Variants in SLC12A7 observed in about 807,000 individuals in gnomAD.
SLC12A7 encodes solute carrier family 12 member 7, also known as K-Cl cotransporter 4.
SLC12A7 carries 100 observed loss-of-function variants against 120.6 expected under a neutral mutation model. The ratio of observed to expected loss-of-function variants is 0.83; its 90% CI spans 0.71 to 0.98. The LOEUF (loss-of-function observed/expected upper bound fraction) is 0.98, where lower values mean the gene tolerates loss of function less well. Ranked by LOEUF, SLC12A7 falls within the 50% of genes least tolerant of loss-of-function variation. The probability of loss-of-function intolerance (pLI) is 0.00; values close to 1 mark genes in which losing one functional copy is unlikely to be tolerated. For synonymous variants in SLC12A7, 760 were observed against 678.0 expected (o/e 1.12, Z -1.88); for missense variants, 1,373 against 1,548.1 (o/e 0.89, Z 1.90).
intron 17 of SLC12A7, among the ~76,000 whole-genome samples, chr5:1,068,674 G>A (rs909301115): frequency 3.3e-5 from 5 of 152,300 alleles, no homozygotes; most frequent in African/African-American, 7.2e-5. Context: ...CCTCCCGTCC[G>A]CAAGAGCGGG....
rs560159285 is a variant in SLC12A7, at chr5:1,086,061, C to A, written c.676-588G>T. On this transcript the variant is annotated intron_variant, in intron 6 of 23. Transcript: ENST00000264930. The stretch of plus-strand genomic sequence containing the variant: ...GCAGGCATGGAGGGCATGGCACCCA[C>A]CCCCACCAAAGGGGATCCTGGGAGT... Among the ~76,000 whole-genome samples, 76 of 152,286 alleles carry A rather than the reference C, an allele frequency of 5.0e-4. No individual in the cohort carries two copies. In the South Asian group the frequency reaches 6.2e-3, roughly 12 times the overall value.
At chr5:1,063,688 A>G (rs1579327668) in intron 20 of SLC12A7, among the ~76,000 whole-genome samples, 156 bp downstream of exon 20, 5 of 7,694 alleles carry the variant, frequency 6.5e-4, no homozygotes, top group Admixed American at 1.5e-3. Flanking sequence ...CCCGATCTCC[A>G]CTTCCCCCTC....
intron 22 of SLC12A7, among the ~76,000 whole-genome samples, chr5:1,055,176 A>G (rs1163231776): frequency 6.6e-6 from 1 of 152,240 alleles, no homozygotes; most frequent in Non-Finnish European, 1.5e-5. Context: ...GTGTACACAC[A>G]CAGGCATAGT....
chr5:1,069,228 C>T (rs1397511517), intron 17 of SLC12A7, among the ~76,000 whole-genome samples: 5 of 152,344 alleles, frequency 3.3e-5, no homozygotes, highest in Middle Eastern at 3.4e-3. Context: ...GTGGCGGGAG[C>T]GGCGGGGGCC....
intron 22 of SLC12A7, 81 bp from the exon 23 acceptor site, chr5:1,053,563 G>A (rs535400884): frequency 7.8e-6 from 12 of 1,535,180 alleles, no homozygotes; most frequent in African/African-American, 5.4e-5. Flanking sequence ...GCCCTGATGA[G>A]CTGCATTCAC....
At chr5:1,079,098 G>A (rs1738700538) in intron 10 of SLC12A7, among the ~76,000 whole-genome samples, 1 of 152,156 alleles carries the variant, frequency 6.6e-6, no homozygotes, top group Admixed American at 6.5e-5. Flanking sequence ...TGAGAAGCCA[G>A]AGGCCCCGCG....
At chr5:1,053,936 C>T (rs902086709) in intron 22 of SLC12A7, among the ~76,000 whole-genome samples, 6 of 152,228 alleles carry the variant, frequency 3.9e-5, no homozygotes, top group Admixed American at 2.0e-4. Flanking sequence ...AACACAGACC[C>T]GTCAGGCTGG....
At position 1,083,968 on chromosome 5, in the gene SLC12A7, A is replaced by C. The variant is rs1739518079; in HGVS notation, c.918-12T>G. On this transcript the variant is annotated splice_polypyrimidine_tract_variant and intron_variant, in intron 7 of 23. Transcript: ENST00000264930. ...CCAGGAGGCAGACCCTGGGCGGGAC[A>C]GGGAGGCACGGCACGTGTGCTGCCA... 6.3e-7 allele frequency: 1 copy of C among 1,598,092 alleles called. No individual in the cohort carries two copies. The highest frequency in any genetic ancestry group is 8.5e-7 in the Non-Finnish European group (1 of 1,179,040).
At chr5:1,112,094 C>T, upstream of SLC12A7, 3 of 1,148,622 alleles carry the variant, frequency 2.6e-6, no homozygotes, top group Non-Finnish European at 3.2e-6. Flanking sequence ...GACCGAGCCG[C>T]CCCGCCCCGC....
In SLC12A7 at chr5:1,104,090, G is replaced by A. The variant is rs560970171; in HGVS notation, c.124+7778C>T. On this transcript the variant is annotated intron_variant, in intron 1 of 23. Coordinates refer to ENST00000264930, the MANE Select transcript of SLC12A7 (RefSeq NM_006598.3). ...GTCGGGGACCCTTGGCGGCATGGAG[G>A]GGACCCAGGAGGGGCCTGGCCTGGC... 1.7e-3 allele frequency among the ~76,000 whole-genome samples: 263 copies of A among 152,316 alleles called. 1 individual carries two copies. The highest frequency in any genetic ancestry group is 6.2e-3 in the African/African-American group (257 of 41,570).
chr5:1,091,579 C>G (rs1296785618), intron 3 of SLC12A7, among the ~76,000 whole-genome samples: 4 of 152,184 alleles, frequency 2.6e-5, no homozygotes. Context: ...CAGCCTGAGC[C>G]CATGAGGCCT....
the SLC12A7 span, among the ~76,000 whole-genome samples, chr5:1,151,343 C>A: frequency 1.3e-5 from 2 of 152,324 alleles, no homozygotes; most frequent in African/African-American, 4.8e-5. The surrounding 1 kb of genome is among the most constrained non-coding windows in gnomAD (Gnocchi z 6.2). Flanking sequence ...GGCCTCGGCA[C>A]ACATCTCATT....
intron 17 of SLC12A7, among the ~76,000 whole-genome samples, chr5:1,069,162 C>T (rs1486687342): frequency 2.6e-5 from 4 of 152,344 alleles, no homozygotes; most frequent in Admixed American, 1.3e-4. Flanking sequence ...TCCTGTCTTC[C>T]CTGGGAAGGC....
At chr5:1,058,268 C>T (rs1018162025) in intron 21 of SLC12A7, among the ~76,000 whole-genome samples, 6 of 152,270 alleles carry the variant, frequency 3.9e-5, no homozygotes, top group African/African-American at 1.4e-4. Flanking sequence ...GTGGCGCCCT[C>T]ACCGCGAGAT....
chr5:1,114,707 G>A (rs7701990), upstream of SLC12A7, among the ~76,000 whole-genome samples: 70,873 of 151,878 alleles, frequency 0.47, 18,255 homozygotes, highest in Non-Finnish European at 0.59. Flanking sequence ...CTGGAAGTGG[G>A]CACCTGGAGC....
At chr5:1,139,753 GTCTT>G in the SLC12A7 span, among the ~76,000 whole-genome samples, 214 of 152,332 alleles carry the variant, frequency 1.4e-3, 1 homozygote, top group African/African-American at 4.9e-3. Flanking sequence ...CAGGCCCCGT[GTCTT>G]TGGGGAAGGT....
At chr5:1,141,745 A>G in the SLC12A7 span, among the ~76,000 whole-genome samples, 1 of 152,220 alleles carries the variant, frequency 6.6e-6, no homozygotes, top group African/African-American at 2.4e-5. Context: ...GCTGCATAGG[A>G]CAGCGTGGAC....
chr5:1,080,762 G>A (rs911507034), intron 9 of SLC12A7, among the ~76,000 whole-genome samples: 1 of 152,162 alleles, frequency 6.6e-6, no homozygotes, highest in African/African-American at 2.4e-5. Flanking sequence ...ACAGAGGGCC[G>A]AGGTCCCCGG....
At chr5:1,134,641 C>G in the SLC12A7 span, among the ~76,000 whole-genome samples, 2 of 152,030 alleles carry the variant, frequency 1.3e-5, no homozygotes, top group African/African-American at 2.4e-5. Flanking sequence ...ATAGAATGAC[C>G]CTCTGACCCA....
Sources: allele counts gnomAD v4.1 joint callset (sites outside exome capture counted in the v4.1 genomes callset), GRCh38; gene constraint gnomAD v4.1.1; non-coding constraint Gnocchi (gnomAD v3.1); transcripts MANE v1.5; gene names NCBI Gene and HGNC (gene_info 2026-07-23, HGNC 2026-07-21).